The following GALNTL6 variants were observed in gnomAD, a reference collection of about 807,000 sequenced individuals.
GALNTL6 encodes the protein polypeptide N-acetylgalactosaminyltransferase like 6.
Under a neutral mutation model 73.7 loss-of-function variants are expected in GALNTL6, and 46 were observed. The observed-to-expected ratio is 0.62, with a 90% CI of 0.49 to 0.80. The LOEUF (loss-of-function observed/expected upper bound fraction) is 0.80, where lower values mean the gene tolerates loss of function less well. Ranked by LOEUF, GALNTL6 falls within the 30% of genes least tolerant of loss-of-function variation. The pLI is 0.00. For synonymous variants in GALNTL6, 259 were observed against 263.7 expected (o/e 0.98, Z 0.17); for missense variants, 604 against 755.0 (o/e 0.80, Z 2.34).
intron 5 of GALNTL6, among the ~76,000 whole-genome samples, chr4:172,576,761 G>A (rs376842679): frequency 6.6e-6 from 1 of 152,130 alleles, no homozygotes; most frequent in Non-Finnish European, 1.5e-5. Flanking sequence ...CTAAGAAAAA[G>A]CCTAATAAGG....
At chr4:172,863,058 T>A (rs1579579855) in intron 7 of GALNTL6, among the ~76,000 whole-genome samples, 2 of 152,144 alleles carry the variant, frequency 1.3e-5, no homozygotes, top group African/African-American at 2.4e-5. Flanking sequence ...AGCCTGCAGG[T>A]GCACAGAAGT....
chr4:172,474,327 G>A (rs1733158083), intron 5 of GALNTL6, among the ~76,000 whole-genome samples: 1 of 152,034 alleles, frequency 6.6e-6, no homozygotes, highest in African/African-American at 2.4e-5. Flanking sequence ...CTGATTTCCT[G>A]ATTCATGCTT....
At chr4:172,298,330 T>C (rs1739766733) in intron 3 of GALNTL6, among the ~76,000 whole-genome samples, 1 of 152,160 alleles carries the variant, frequency 6.6e-6, no homozygotes, top group South Asian at 2.1e-4. Flanking sequence ...CTTTTCCTAA[T>C]TGAATACCCT....
At chr4:172,648,449 A>G (rs1740337172) in intron 5 of GALNTL6, among the ~76,000 whole-genome samples, 2 of 152,272 alleles carry the variant, frequency 1.3e-5, no homozygotes, top group African/African-American at 4.8e-5. Context: ...TATAGATGTT[A>G]CACAATTTAC....
chr4:171,903,952 A>C (rs1578956853), intron 2 of GALNTL6, among the ~76,000 whole-genome samples: 1 of 152,128 alleles, frequency 6.6e-6, no homozygotes, highest in Non-Finnish European at 1.5e-5. Flanking sequence ...TAGAAGGAAA[A>C]CTAACAAACA....
intron 5 of GALNTL6, among the ~76,000 whole-genome samples, chr4:172,610,049 G>A (rs367900540): frequency 2.9e-4 from 44 of 151,902 alleles, no homozygotes; most frequent in South Asian, 2.1e-3. Context: ...TGTCCCCTTC[G>A]TCATTTCTAA....
At chr4:172,744,840 CGTGTGTGT>C (rs3084334) in intron 5 of GALNTL6, among the ~76,000 whole-genome samples, 55 of 149,364 alleles carry the variant, frequency 3.7e-4, no homozygotes, top group African/African-American at 9.3e-4. Context: ...AGTGCGCGTG[CGTGTGTGT>C]GTGTGTGTGT....
intron 10 of GALNTL6, among the ~76,000 whole-genome samples, chr4:172,985,247 A>T (rs1438719104): frequency 6.6e-6 from 1 of 152,068 alleles, no homozygotes. Flanking sequence ...AGTGCATTTA[A>T]ACATGACCTG....
chr4:172,202,307 A>G (rs181728585), intron 2 of GALNTL6, among the ~76,000 whole-genome samples: 138 of 152,314 alleles, frequency 9.1e-4, no homozygotes, highest in African/African-American at 3.1e-3. Flanking sequence ...TAATAGAAAA[A>G]GCTGAAACTA....
At chr4:171,915,382 C>T (rs1461474383) in intron 2 of GALNTL6, among the ~76,000 whole-genome samples, 1 of 152,262 alleles carries the variant, frequency 6.6e-6, no homozygotes, top group East Asian at 1.9e-4. Flanking sequence ...GATGATGCTT[C>T]CTGTACGTAG....
At chr4:172,854,385 T>A (rs1481899519) in intron 7 of GALNTL6, among the ~76,000 whole-genome samples, 1 of 152,198 alleles carries the variant, frequency 6.6e-6, no homozygotes, top group East Asian at 1.9e-4. Context: ...TAGTTTGAAT[T>A]CAAAAAAATC....
chr4:172,404,042 G>A (rs1022968542), intron 5 of GALNTL6, among the ~76,000 whole-genome samples: 4 of 151,924 alleles, frequency 2.6e-5, no homozygotes, highest in Non-Finnish European at 5.9e-5. Flanking sequence ...GCACAGCCCA[G>A]GGGTAGGCTT....
At chr4:172,229,596 T>A (rs1647387950) in intron 2 of GALNTL6, 60 bp from the exon 3 acceptor site, 2 of 976,188 alleles carry the variant, frequency 2.0e-6, no homozygotes, top group East Asian at 2.4e-5. Flanking sequence ...CGGCTGTGTT[T>A]ACCTACCATG....
intron 7 of GALNTL6, among the ~76,000 whole-genome samples, chr4:172,817,674 T>C (rs889662722): frequency 2.0e-5 from 3 of 152,156 alleles, no homozygotes; most frequent in Admixed American, 6.6e-5. Context: ...GAGAAAGATG[T>C]TCATTTGCTT....
At chr4:171,821,825 G>A (rs1229147749) in intron 2 of GALNTL6, among the ~76,000 whole-genome samples, 1 of 152,006 alleles carries the variant, frequency 6.6e-6, no homozygotes, top group South Asian at 2.1e-4. Flanking sequence ...AGGGAGGACT[G>A]TTGAATAAGC....
At chr4:172,024,680 T>G (rs1741501497) in intron 2 of GALNTL6, among the ~76,000 whole-genome samples, 1 of 151,958 alleles carries the variant, frequency 6.6e-6, no homozygotes, top group African/African-American at 2.4e-5. Flanking sequence ...TAGAACTGTA[T>G]AGTGAACTAT....
At chr4:172,608,591 T>G (rs1738398613) in intron 5 of GALNTL6, among the ~76,000 whole-genome samples, 1 of 152,160 alleles carries the variant, frequency 6.6e-6, no homozygotes, top group Admixed American at 6.6e-5. Context: ...TCTTTTTGAT[T>G]AAGATTGCTT....
At chr4:172,800,682 A>G (rs1740589561) in intron 5 of GALNTL6, among the ~76,000 whole-genome samples, 1 of 152,202 alleles carries the variant, frequency 6.6e-6, no homozygotes, top group African/African-American at 2.4e-5. Context: ...CTGAATGATT[A>G]AAAATCAGAG....
chr4:172,531,431 T>C (rs908089237), intron 5 of GALNTL6, among the ~76,000 whole-genome samples: 2 of 152,112 alleles, frequency 1.3e-5, no homozygotes, highest in East Asian at 1.9e-4. Context: ...AAATGGAAAA[T>C]GCAGTACTTC....
Sources: allele counts gnomAD v4.1 joint callset (sites outside exome capture counted in the v4.1 genomes callset), GRCh38; gene constraint gnomAD v4.1.1; transcripts MANE v1.5; gene names NCBI Gene and HGNC (gene_info 2026-07-23, HGNC 2026-07-21).